The following IMPDH1 variants were observed in gnomAD, a reference collection of about 807,000 sequenced individuals.
IMPDH1 encodes the protein inosine-5'-monophosphate dehydrogenase 1.
In IMPDH1, 41 loss-of-function variants were observed where a neutral mutation model predicts 73.5. The observed-to-expected ratio is 0.56, with a 90% CI of 0.43 to 0.72. The LOEUF (loss-of-function observed/expected upper bound fraction) is 0.72, where lower values mean the gene tolerates loss of function less well. IMPDH1 is among the 30% of genes least tolerant of loss of function. The pLI, the probability that IMPDH1 is intolerant of heterozygous loss-of-function variation, is 0.00. For synonymous variants in IMPDH1, 318 were observed against 334.3 expected (o/e 0.95, Z 0.53); for missense variants, 645 against 824.8 (o/e 0.78, Z 2.67).
intron 7 of IMPDH1, 33 bp from the exon 8 acceptor site, chr7:128,400,572 A>C (rs1394380312): frequency 5.7e-6 from 9 of 1,592,196 alleles, no homozygotes; most frequent in Non-Finnish European, 7.7e-6. Context: ...AAAAGGCTGG[A>C]AGAAAGCCAG....
Position 128,398,651 on chromosome 7 carries a change from G to A in IMPDH1, c.875-38C>T. 2 of 1,552,328 alleles carry A rather than the reference G, an allele frequency of 1.3e-6. No individual in the cohort carries two copies. Among genetic ancestry groups the A allele is most frequent in the South Asian group, 2.2e-5 (2 of 89,824 alleles). ...GCAGGGGTGAAATGAAGCAGGCTTG[G>A]TGGGGAGAAGTTTGGGAGATGTTTA... On this transcript the variant is annotated intron_variant, in intron 9 of 16. Transcript: ENST00000338791. This position sits in a 1 kb window ranked among gnomAD's most constrained non-coding sequence, Gnocchi z 4.3.
At chr7:128,399,416 C>T (rs1365288322) in intron 9 of IMPDH1, among the ~76,000 whole-genome samples, 1 of 150,940 alleles carries the variant, frequency 6.6e-6, no homozygotes, top group Non-Finnish European at 1.5e-5. Context: ...GTGGTTCACG[C>T]CTGTAATTCC....
Position 128,395,050 on chromosome 7 carries a change from A to G in IMPDH1, c.1406-17T>C, listed in dbSNP as rs921156173. ...CCATCATCACTACAGTGGGCAAGGG[A>G]TTAGTGCCTCCAGCCCACTAGTGCC... On this transcript the variant is annotated splice_polypyrimidine_tract_variant and intron_variant, in intron 13 of 16. Transcript: ENST00000338791. 4 of 1,613,720 alleles carry G rather than the reference A, an allele frequency of 2.5e-6. No homozygotes were observed. Among genetic ancestry groups the G allele is most frequent in the Admixed American group, 1.7e-5 (1 of 60,008 alleles).
rs72624970 is a variant in IMPDH1 at position 128,394,397 on chromosome 7, C to A, written c.1695-36G>T. On this transcript the variant is annotated intron_variant, in intron 15 of 16. Transcript: ENST00000338791. The surrounding 1 kb of genome is among the most constrained non-coding windows in gnomAD (Gnocchi z 5.5). ...GGTAGGTGGAGCAGATCAGGGCCAC[C>A]AAGGGTGGAGAAGAGCGAGAGAAAG... 2.1e-4 allele frequency: 338 copies of A among 1,613,658 alleles called. 1 individual carries two copies. In the African/African-American group the frequency reaches 4.2e-3, roughly 20 times the overall value.
intron 5 of IMPDH1, 32 bp from the exon 6 acceptor site, chr7:128,401,148 T>A: frequency 6.5e-7 from 1 of 1,530,434 alleles, no homozygotes; most frequent in South Asian, 1.1e-5. Context: ...ACGTAAAGAG[T>A]TTATCACCCA....
Position 128,396,893 on chromosome 7 carries a change from G to T in IMPDH1, c.1165+39C>A. The T allele has an allele frequency of 7.0e-7, 1 of 1,430,732 alleles. No individual in the cohort carries two copies. Among genetic ancestry groups the T allele is most frequent in the South Asian group, 1.1e-5 (1 of 87,392 alleles). 88.6% of individuals were successfully genotyped at this position (1,430,732 alleles called of 1,614,324 possible). ...GACAGAAAAGGGTTACTCATTGGAG[G>T]GGCAGGAGCAGGCGGGTGGGAGGCG... is the stretch of plus-strand genomic sequence containing the variant. On this transcript the variant is annotated intron_variant, in intron 11 of 16. Coordinates refer to ENST00000338791, the MANE Select transcript of IMPDH1 (RefSeq NM_000883.4). The surrounding 1 kb of genome is among the most constrained non-coding windows in gnomAD (Gnocchi z 4.0).
At chr7:128,401,812 A>G (rs1798358148) in intron 5 of IMPDH1, among the ~76,000 whole-genome samples, 1 of 152,160 alleles carries the variant, frequency 6.6e-6, no homozygotes, top group South Asian at 2.1e-4. Flanking sequence ...AGTGGTCAGG[A>G]TTGCAAGTAT....
intron 3 of IMPDH1, 42 bp from the exon 4 acceptor site, chr7:128,405,907 C>A: frequency 6.9e-7 from 1 of 1,457,232 alleles, no homozygotes. Context: ...ACCCGCGCGG[C>A]CGCCCGCCGC....
chr7:128,394,358 G>A lies in IMPDH1; in HGVS notation c.1698C>T (p.Ser566=). 1 of 1,613,960 alleles carries A rather than the reference G, an allele frequency of 6.2e-7. No homozygotes were observed. The highest frequency in any genetic ancestry group is 8.5e-7 in the Non-Finnish European group (1 of 1,179,896). The change falls in exon 16 of 17, where the codon TCC becomes TCT. Residue 566 remains serine (S), a synonymous_variant. Coordinates refer to ENST00000338791, the MANE Select transcript of IMPDH1 (RefSeq NM_000883.4). This position sits in a 1 kb window ranked among gnomAD's most constrained non-coding sequence, Gnocchi z 5.5. ...ACTTGAGCTCTCCTGAGTACATCAT[G>A]GACCTAGGAGGAAGGTAGGTGGAGC... is the stretch of plus-strand genomic sequence containing the variant. The part of the protein sequence containing the change: ...IGARSLSVLR[S]MMYSGELKFE...
At position 128,394,801 on chromosome 7, in the gene IMPDH1, T is replaced by G; in HGVS notation, c.1550+88A>C. 6.6e-7 allele frequency: 1 copy of G among 1,526,154 alleles called. No homozygotes were observed. Among genetic ancestry groups the G allele is most frequent in the Non-Finnish European group, 9.0e-7 (1 of 1,108,146 alleles). The allele number at this position is 1,526,154 out of a possible 1,614,324, so 94.5% of individuals were successfully genotyped here. On this transcript the variant is annotated intron_variant, in intron 14 of 16. Coordinates refer to ENST00000338791, the MANE Select transcript of IMPDH1 (RefSeq NM_000883.4). This position sits in a 1 kb window ranked among gnomAD's most constrained non-coding sequence, Gnocchi z 5.5. The stretch of plus-strand genomic sequence containing the variant: ...GTTTCCAGAACCACCATATGGGGAC[T>G]GGCTGCCATCTGGGGAAGTCGGTGG...
intron 7 of IMPDH1, 130 bp downstream of exon 7, chr7:128,400,687 C>T: frequency 2.5e-6 from 3 of 1,183,200 alleles, no homozygotes; most frequent in Non-Finnish European, 3.8e-6. Context: ...GAGGGCTCGG[C>T]CCCAAGGCTC....
At position 128,403,691 on chromosome 7, in the gene IMPDH1, G is replaced by A. The variant is rs753704501; in HGVS notation, c.402+15C>T. 140 of 1,609,808 alleles carry A rather than the reference G, an allele frequency of 8.7e-5. No homozygotes were observed. The highest frequency in any genetic ancestry group is 1.1e-4 in the Non-Finnish European group (134 of 1,176,184). ...TACACAGCCCCCTCCCCTTGTCAAA[G>A]GAAGAGGTACTCACCACCTCATCAG... On this transcript the variant is annotated intron_variant, in intron 5 of 16. Coordinates refer to ENST00000338791, the MANE Select transcript of IMPDH1 (RefSeq NM_000883.4).
Position 128,409,325 on chromosome 7 carries a change from C to A in IMPDH1, c.218G>T (p.Gly73Val). 6.2e-7 allele frequency: 1 copy of A among 1,614,180 alleles called. No homozygotes were observed. Among genetic ancestry groups the A allele is most frequent in the Non-Finnish European group, 8.5e-7 (1 of 1,180,008 alleles). The change falls in exon 3 of 17, where the codon GGT (glycine) becomes GTT (valine). Residue 73 changes from glycine to valine, a missense_variant. Gly to Val is a moderately radical substitution (Grantham distance 109). Coordinates refer to ENST00000338791, the MANE Select transcript of IMPDH1 (RefSeq NM_000883.4). ...SELSSVVLLA[G>V]VGVQMDRLRR... is the part of the protein sequence containing the mutation. ...AAGGCGATCCATCTGGACACCAACA[C>A]CTGCCAGTAAGACCACTGAAGATAG...
rs1208178744 is a variant in IMPDH1, at chr7:128,403,747, G to A, written c.361C>T (p.Leu121=). The A allele has an allele frequency of 1.2e-6, 2 of 1,614,054 alleles. No individual in the cohort carries two copies. The highest frequency in any genetic ancestry group is 1.7e-5 in the Admixed American group (1 of 60,032). ...AAGTCTATGAATCCTGGGAGAATCA[G>A]GAAGTCGCTGTGAAGACAGAGAAGT... ...SADGLTYNDF[L]ILPGFIDFIA... is the part of the protein sequence containing the mutation. The change falls in exon 5 of 17, where the codon CTG becomes TTG. Residue 121 remains leucine (L), a synonymous_variant. Coordinates refer to ENST00000338791, the MANE Select transcript of IMPDH1 (RefSeq NM_000883.4).
chr7:128,395,259 C>T lies in IMPDH1; in HGVS notation c.1277G>A (p.Arg426Gln), dbSNP rs761691047. 10 of 1,613,362 alleles carry T rather than the reference C, an allele frequency of 6.2e-6. No homozygotes were observed. Among genetic ancestry groups the T allele is most frequent in the African/African-American group, 1.3e-5 (1 of 74,932 alleles). Residue 426 changes from arginine (R) to glutamine (Q), a missense_variant, in exon 13 of 17, where the codon CGG becomes CAG. Coordinates refer to ENST00000338791, the MANE Select transcript of IMPDH1 (RefSeq NM_000883.4). ...CTTGTACACAGCAGTGCCCTGGGGCCGACCACAGGCCATCACTGGGGGAGG... is the reference window on the plus strand; with the variant it reads ...CTTGTACACAGCAGTGCCCTGGGGCTGACCACAGGCCATCACTGGGGGAGG... ...CITQEVMACGRPQGTAVYKVA... is the reference protein window; with the variant it reads ...CITQEVMACGQPQGTAVYKVA...
chr7:128,401,046 A>G lies in IMPDH1; in HGVS notation c.473T>C (p.Val158Ala). The change falls in exon 6 of 17, where the codon GTG (valine) becomes GCG (alanine). Residue 158 changes from valine (V) to alanine (A), a missense_variant. Val to Ala is a moderately conservative substitution (Grantham distance 64). This residue lies in a region of IMPDH1 where 459 missense variants were observed against 638.2 expected (regional missense o/e 0.72). Coordinates refer to ENST00000338791, the MANE Select transcript of IMPDH1 (RefSeq NM_000883.4). Reference protein sequence around the residue: ...TPLISSPMDTVTEADMAIAMA... With the variant: ...TPLISSPMDTATEADMAIAMA... ...GGCAATGGCCATGTCAGCCTCTGTC[A>G]CAGTGTCCATGGGGGAGGAGATCAG... The G allele has an allele frequency of 6.2e-7, 1 of 1,614,104 alleles. No homozygotes were observed. Among genetic ancestry groups the G allele is most frequent in the Non-Finnish European group, 8.5e-7 (1 of 1,179,974 alleles).
chr7:128,397,021 T>C lies in IMPDH1; in HGVS notation c.1076A>G (p.Asp359Gly). The C allele has an allele frequency of 6.2e-7, 1 of 1,612,752 alleles. No individual in the cohort carries two copies. The change falls in exon 11 of 17, where the codon GAC becomes GGC. Residue 359 changes from aspartate to glycine, a missense_variant and splice_region_variant. By Grantham distance (94) the Asp-to-Gly change is moderately conservative. Around this residue, in one of 2 missense-constraint regions of IMPDH1, gnomAD observed 459 missense variants for 638.2 expected, o/e 0.72. Transcript: ENST00000338791. ...TQAGVDVIVL[D>G]SSQGNSVYQI... The stretch of plus-strand genomic sequence containing the variant: ...ATACACCGAATTCCCTTGGGACGAG[T>C]CCTGTGAGAAAGGACGGAAGAGCTT...
rs766532410 is a variant in IMPDH1 at position 128,409,431 on chromosome 7, T to C, written c.190+10A>G. The C allele has an allele frequency of 3.8e-5, 61 of 1,613,868 alleles. No individual in the cohort carries two copies. Among genetic ancestry groups the C allele is most frequent in the South Asian group, 5.5e-5 (5 of 91,068 alleles). On this transcript the variant is annotated intron_variant, in intron 2 of 16. Coordinates refer to ENST00000338791, the MANE Select transcript of IMPDH1 (RefSeq NM_000883.4). ...GCAAGCACTGTTTGAACCCCAGGAG[T>C]TGGAGCCACCTGAACGGGGTGTCGT...
At chr7:128,397,537 G>C (rs1177781715) in intron 10 of IMPDH1, among the ~76,000 whole-genome samples, 2 of 152,178 alleles carry the variant, frequency 1.3e-5, no homozygotes, top group Non-Finnish European at 2.9e-5. Context: ...GCCTTTGTTT[G>C]CAGTCTGTTG....
Sources: allele counts gnomAD v4.1 joint callset (sites outside exome capture counted in the v4.1 genomes callset), GRCh38; gene constraint gnomAD v4.1.1; regional missense constraint gnomAD v4.1.1; non-coding constraint Gnocchi (gnomAD v3.1); transcripts MANE v1.5; gene names NCBI Gene and HGNC (gene_info 2026-07-23, HGNC 2026-07-21).